CADPS2: variants seen among roughly 807,000 people sequenced by gnomAD.
CADPS2 encodes calcium dependent secretion activator 2.
CADPS2 carries 93 observed loss-of-function variants against 172.5 expected under a neutral mutation model. The ratio of observed to expected loss-of-function variants is 0.54; its 90% CI spans 0.46 to 0.64. The LOEUF is 0.64. Ranked by LOEUF, CADPS2 falls within the 30% of genes least tolerant of loss-of-function variation. The pLI, the probability that CADPS2 is intolerant of heterozygous loss-of-function variation, is 0.00. For synonymous variants in CADPS2, 546 were observed against 555.2 expected, an observed-to-expected ratio of 0.98 and a Z score of 0.23; for missense variants, 1,420 against 1,565.9, an observed-to-expected ratio of 0.91 and a Z score of 1.57.
At chr7:122,536,694 G>C (rs781200670) in intron 8 of CADPS2, among the ~76,000 whole-genome samples, 32 of 152,012 alleles carry the variant, frequency 2.1e-4, no homozygotes, top group African/African-American at 2.9e-4. Flanking sequence ...GGATGTCAAG[G>C]GGAAAAGAGG....
rs2031966976 is a variant in CADPS2 at position 122,319,631 on chromosome 7, C to T, written c.*534G>A. ...GTAGACCAATTCAAAGTACTAAGAA[C>T]CAAGATTAAAGATTTTATACACATC... On this transcript the variant is annotated 3_prime_UTR_variant, in exon 30 of 30. Transcript: ENST00000449022. 1 of 152,040 alleles carries T rather than the reference C, an allele frequency of 6.6e-6. No homozygotes were observed. Among genetic ancestry groups the T allele is most frequent in the South Asian group, 2.1e-4 (1 of 4,828 alleles). The allele number at this position is 152,040 out of a possible 1,614,324, so 9.4% of individuals were successfully genotyped here. A position where few individuals can be genotyped will look rare whatever the true frequency, so the allele number is the denominator to read the frequency against.
chr7:122,483,128 T>C (rs371900828), intron 11 of CADPS2, among the ~76,000 whole-genome samples: 11 of 152,216 alleles, frequency 7.2e-5, no homozygotes, highest in African/African-American at 1.7e-4. Context: ...CTTGAGAGGA[T>C]TGAATTGTTT....
At chr7:122,878,500 T>C (rs1350732569) in intron 1 of CADPS2, among the ~76,000 whole-genome samples, 1 of 150,664 alleles carries the variant, frequency 6.6e-6, no homozygotes, top group Non-Finnish European at 1.5e-5. Context: ...ATTAGCCGGG[T>C]GCAGTGGCGG....
intron 27 of CADPS2, among the ~76,000 whole-genome samples, chr7:122,348,952 G>A (rs929360643): frequency 1.3e-5 from 2 of 152,142 alleles, no homozygotes; most frequent in Admixed American, 6.6e-5. Flanking sequence ...CATGTGCTAA[G>A]ACTCTGTTTT....
chr7:122,663,718 G>A, intron 2 of CADPS2, 149 bp from the exon 3 acceptor site: 2 of 660,300 alleles, frequency 3.0e-6, no homozygotes, highest in Non-Finnish European at 5.1e-6. Flanking sequence ...TATAATACAT[G>A]GTAACTAATG....
intron 25 of CADPS2, among the ~76,000 whole-genome samples, chr7:122,370,140 A>C (rs2041580461): frequency 6.6e-6 from 1 of 152,138 alleles, no homozygotes; most frequent in Admixed American, 6.6e-5. Flanking sequence ...TGCTTGGGAA[A>C]ACTTTTCCTG....
chr7:122,459,487 G>A lies in CADPS2; in HGVS notation c.2187-8012C>T, dbSNP rs542025884. Among the ~76,000 whole-genome samples the A allele has an allele frequency of 1.7e-3, 254 of 152,206 alleles. 1 individual carries two copies. Among genetic ancestry groups the A allele is most frequent in the African/African-American group, 6.0e-3 (251 of 41,560 alleles). ...TTATCAGCTTACACTCTGGCCTGCA[G>A]TGCATGAAATTATTAATTTTCCTGC... On this transcript the variant is annotated intron_variant, in intron 14 of 29. Coordinates refer to ENST00000449022, the MANE Select transcript of CADPS2 (RefSeq NM_017954.11).
chr7:122,329,548 G>A (rs1472809437), intron 28 of CADPS2, among the ~76,000 whole-genome samples: 1 of 152,166 alleles, frequency 6.6e-6, no homozygotes, highest in African/African-American at 2.4e-5. Flanking sequence ...CTTCATGCAA[G>A]TTAAAGAGAA....
chr7:122,458,229 A>G (rs974564971), intron 14 of CADPS2, among the ~76,000 whole-genome samples: 2 of 152,204 alleles, frequency 1.3e-5, no homozygotes, highest in African/African-American at 2.4e-5. Context: ...GTCACTTTGC[A>G]CTTCGTGTAT....
intron 2 of CADPS2, among the ~76,000 whole-genome samples, chr7:122,734,486 T>G (rs761827308): frequency 6.6e-6 from 1 of 151,134 alleles, no homozygotes; most frequent in Non-Finnish European, 1.5e-5. Context: ...CAATTTCTAT[T>G]TATGTAAAGT....
At position 122,580,452 on chromosome 7, in the gene CADPS2, C is replaced by CAAAA. The variant is rs34849650; in HGVS notation, c.1335+723_1335+726dup. ...TGGGCAACAGAGCAAGATTCTGTCT[C>CAAAA]AAAAAAAAAAAAAAACCCATTAAAA... On this transcript the variant is annotated intron_variant, in intron 7 of 29. Transcript: ENST00000449022. 7.1e-4 allele frequency among the ~76,000 whole-genome samples: 95 copies of CAAAA among 133,422 alleles called. 1 individual carries two copies. Among genetic ancestry groups the CAAAA allele is most frequent in the Admixed American group, 3.0e-3 (39 of 13,202 alleles). The allele number at this position is 133,422 out of a possible 152,430, so 87.5% of individuals were successfully genotyped here.
intron 1 of CADPS2, among the ~76,000 whole-genome samples, chr7:122,815,373 C>T (rs1224581100): frequency 6.6e-6 from 1 of 152,160 alleles, no homozygotes; most frequent in African/African-American, 2.4e-5. Context: ...TCAAATGATA[C>T]TGCTTTTATC....
At chr7:122,418,184 A>C (rs2048153678) in intron 17 of CADPS2, among the ~76,000 whole-genome samples, 1 of 152,060 alleles carries the variant, frequency 6.6e-6, no homozygotes. Context: ...AAAAAAAAAA[A>C]AGTTACATTT....
intron 8 of CADPS2, among the ~76,000 whole-genome samples, chr7:122,521,885 C>T (rs766040543): frequency 5.9e-5 from 9 of 152,074 alleles, no homozygotes; most frequent in Non-Finnish European, 1.3e-4. Context: ...TCAGTTAAAT[C>T]CAAGTTAAGC....
At chr7:122,435,767 T>C (rs2050557484) in intron 17 of CADPS2, among the ~76,000 whole-genome samples, 1 of 152,070 alleles carries the variant, frequency 6.6e-6, no homozygotes, top group Non-Finnish European at 1.5e-5. Flanking sequence ...AAATGTTCAT[T>C]GAGAGATGAA....
At chr7:122,585,046 G>A (rs1045606931) in intron 6 of CADPS2, among the ~76,000 whole-genome samples, 1 of 151,820 alleles carries the variant, frequency 6.6e-6, no homozygotes, top group Non-Finnish European at 1.5e-5. Flanking sequence ...AAATGCTAAC[G>A]AACACCTCCT....
chr7:122,605,270 T>C (rs2073359819), intron 6 of CADPS2, among the ~76,000 whole-genome samples: 1 of 152,060 alleles, frequency 6.6e-6, no homozygotes, highest in Non-Finnish European at 1.5e-5. Context: ...ACAGACTTTA[T>C]AAAAACTGAA....
chr7:122,705,476 T>C (rs184396203), intron 2 of CADPS2, among the ~76,000 whole-genome samples: 1,849 of 129,074 alleles, frequency 0.014, 84 homozygotes, highest in Non-Finnish European at 0.022. Context: ...ATATTATATA[T>C]ATTTATATTA....
At chr7:122,346,705 G>T (rs2037714791) in intron 27 of CADPS2, among the ~76,000 whole-genome samples, 1 of 152,110 alleles carries the variant, frequency 6.6e-6, no homozygotes, top group Non-Finnish European at 1.5e-5. Flanking sequence ...TTTAACATTT[G>T]GTGTCTTCTA....
Sources: allele counts gnomAD v4.1 joint callset (sites outside exome capture counted in the v4.1 genomes callset), GRCh38; gene constraint gnomAD v4.1.1; transcripts MANE v1.5; gene names NCBI Gene and HGNC (gene_info 2026-07-23, HGNC 2026-07-21).